Variants in UXS1 observed in about 807,000 individuals in gnomAD.
UXS1 encodes the protein UDP-glucuronate decarboxylase 1, also known as UDP-glucuronic acid decarboxylase 1.
A neutral mutation model predicts 62.6 loss-of-function variants in UXS1; 33 were observed. The ratio of observed to expected loss-of-function variants is 0.53; its 90% CI spans 0.40 to 0.70. The LOEUF is 0.70. Ranked by LOEUF, UXS1 falls within the 30% of genes least tolerant of loss-of-function variation. The pLI is 0.00. For synonymous variants in UXS1, 213 were observed against 206.8 expected (o/e 1.03, Z -0.26); for missense variants, 434 against 556.3 (o/e 0.78, Z 2.21).
chr2:106,136,922 A>T (rs1186558065), intron 6 of UXS1, among the ~76,000 whole-genome samples: 1 of 133,584 alleles, frequency 7.5e-6, no homozygotes, highest in Non-Finnish European at 1.6e-5. Flanking sequence ...TAATAATAAT[A>T]AAAAAAGAAA....
chr2:106,105,806 A>G (rs1678013584), intron 10 of UXS1, among the ~76,000 whole-genome samples: 1 of 152,218 alleles, frequency 6.6e-6, no homozygotes, highest in African/African-American at 2.4e-5. Context: ...GCATCACAGG[A>G]ACAAGAGTGC....
At chr2:106,139,113 TACACC>T (rs1290967544) in intron 6 of UXS1, among the ~76,000 whole-genome samples, 1 of 151,706 alleles carries the variant, frequency 6.6e-6, no homozygotes, top group African/African-American at 2.4e-5. Flanking sequence ...CAGTTCAGAG[TACACC>T]AAGCATGAGC....
chr2:106,111,677 T>C (rs1678621768), intron 10 of UXS1, among the ~76,000 whole-genome samples: 1 of 152,174 alleles, frequency 6.6e-6, no homozygotes, highest in South Asian at 2.1e-4. Flanking sequence ...CTGCAGATCA[T>C]AGGACAGAAG....
intron 14 of UXS1, 150 bp from the exon 15 acceptor site, chr2:106,094,307 G>T: frequency 2.2e-6 from 2 of 920,630 alleles, no homozygotes; most frequent in South Asian, 1.7e-5. Flanking sequence ...TGCTTTGGTT[G>T]TGACAGCATC....
At chr2:106,180,299 C>T (rs1684162042) in intron 1 of UXS1, among the ~76,000 whole-genome samples, 1 of 152,170 alleles carries the variant, frequency 6.6e-6, no homozygotes, top group Non-Finnish European at 1.5e-5. Flanking sequence ...CATATACTTC[C>T]AGACTGTTTG....
At chr2:106,113,732 G>A (rs974416830) in intron 9 of UXS1, among the ~76,000 whole-genome samples, 1 of 152,214 alleles carries the variant, frequency 6.6e-6, no homozygotes, top group Non-Finnish European at 1.5e-5. Context: ...TGAGGGCAGG[G>A]AGCCTGGGGC....
At chr2:106,174,127 C>A (rs1683729700) in intron 1 of UXS1, among the ~76,000 whole-genome samples, 1 of 151,934 alleles carries the variant, frequency 6.6e-6, no homozygotes, top group African/African-American at 2.4e-5. Flanking sequence ...CCAGCAGAGG[C>A]CCCTGGGGAG....
chr2:106,129,378 T>C (rs1304113990), intron 7 of UXS1, among the ~76,000 whole-genome samples: 2 of 152,120 alleles, frequency 1.3e-5, no homozygotes, highest in Admixed American at 1.3e-4. Flanking sequence ...GGCTGGGTGG[T>C]TGGTCACATG....
intron 10 of UXS1, among the ~76,000 whole-genome samples, chr2:106,111,341 G>A (rs937158047): frequency 2.6e-5 from 4 of 152,320 alleles, no homozygotes; most frequent in Admixed American, 6.5e-5. Flanking sequence ...AGGGGGAGGT[G>A]GGAGAGCTGG....
At chr2:106,099,304 G>A (rs752339650) in intron 12 of UXS1, among the ~76,000 whole-genome samples, 7 of 152,064 alleles carry the variant, frequency 4.6e-5, no homozygotes, top group Non-Finnish European at 7.4e-5. Context: ...ACTTGTGTGG[G>A]GGCTTTAAGG....
At chr2:106,131,198 C>A (rs1229406253) in intron 6 of UXS1, among the ~76,000 whole-genome samples, 2 of 150,086 alleles carry the variant, frequency 1.3e-5, no homozygotes, top group African/African-American at 2.5e-5. Context: ...CTTTTCAGAC[C>A]GGCTTAAAAA....
At chr2:106,184,506 A>C (rs1263818678) in intron 1 of UXS1, among the ~76,000 whole-genome samples, 1 of 152,168 alleles carries the variant, frequency 6.6e-6, no homozygotes, top group Non-Finnish European at 1.5e-5. Context: ...AATAAACAGG[A>C]ATTTGTTTCT....
chr2:106,166,404 G>A (rs963756630), intron 1 of UXS1: 4 of 209,234 alleles, frequency 1.9e-5, no homozygotes, highest in African/African-American at 9.2e-5. Context: ...AAGTTATCAA[G>A]AATTTACATT....
chr2:106,192,675 G>A (rs1315866310), intron 1 of UXS1, among the ~76,000 whole-genome samples: 1 of 152,162 alleles, frequency 6.6e-6, no homozygotes, highest in Non-Finnish European at 1.5e-5. Flanking sequence ...CGAAGACCTG[G>A]GTTCTAGCTC....
chr2:106,149,493 G>A (rs1386281981), intron 5 of UXS1, among the ~76,000 whole-genome samples: 1 of 152,174 alleles, frequency 6.6e-6, no homozygotes. Context: ...CCACATAGAA[G>A]CACGAGTTCA....
chr2:106,192,277 G>A (rs1473259287), intron 1 of UXS1, among the ~76,000 whole-genome samples: 1 of 152,232 alleles, frequency 6.6e-6, no homozygotes, highest in Non-Finnish European at 1.5e-5. Flanking sequence ...CTTTCCTGCT[G>A]GGAGCGGTGG....
intron 9 of UXS1, among the ~76,000 whole-genome samples, chr2:106,116,760 G>A (rs919443867): frequency 6.6e-6 from 1 of 152,136 alleles, no homozygotes; most frequent in Non-Finnish European, 1.5e-5. Flanking sequence ...CCGAGTGAAT[G>A]GAAAACACTA....
chr2:106,187,977 G>A (rs1050629854), intron 1 of UXS1, among the ~76,000 whole-genome samples: 66 of 152,218 alleles, frequency 4.3e-4, no homozygotes, highest in Middle Eastern at 3.4e-3. Context: ...CCCGATCTCA[G>A]GTGATCCACC....
At chr2:106,096,885 CCATCCACATCAAA>C (rs1558668759) in intron 13 of UXS1, 64 bp from the exon 14 acceptor site, 1 of 1,481,934 alleles carries the variant, frequency 6.7e-7, no homozygotes, top group Admixed American at 2.0e-5. Flanking sequence ...CACAGCCTTA[CCATCCACATCAAA>C]GGCAAACCCC....
Sources: gnomAD v4.1 joint callset for allele counts (sites outside exome capture counted in the v4.1 genomes callset) on GRCh38, gnomAD v4.1.1 for gene constraint, MANE v1.5 for transcripts, NCBI Gene and HGNC (gene_info 2026-07-23, HGNC 2026-07-21) for gene names.